The following KCNIP1 variants were observed in gnomAD, a reference collection of about 807,000 sequenced individuals.
The protein encoded by KCNIP1 is A-type potassium channel modulatory protein KCNIP1.
Under a neutral mutation model 33.0 loss-of-function variants are expected in KCNIP1, and 18 were observed. That is an observed-to-expected ratio of 0.55 (90% confidence interval 0.38 to 0.81). The LOEUF (loss-of-function observed/expected upper bound fraction) is 0.81, where lower values mean the gene tolerates loss of function less well. Ranked by LOEUF, KCNIP1 falls within the 30% of genes least tolerant of loss-of-function variation. The probability of loss-of-function intolerance (pLI) is 0.00; values close to 1 mark genes in which losing one functional copy is unlikely to be tolerated. For synonymous variants in KCNIP1, 93 were observed against 98.3 expected, an observed-to-expected ratio of 0.95 and a Z score of 0.32; for missense variants, 238 against 271.6, an observed-to-expected ratio of 0.88 and a Z score of 0.87.
chr5:170,508,003 GGTAA>G (rs781436941), intron 1 of KCNIP1, among the ~76,000 whole-genome samples: 1 of 152,194 alleles, frequency 6.6e-6, no homozygotes, highest in South Asian at 2.1e-4. Flanking sequence ...GCCTTGAATG[GGTAA>G]GTGAGACAGG....
chr5:170,433,069 C>T (rs11948736), intron 1 of KCNIP1, among the ~76,000 whole-genome samples: 4,698 of 152,022 alleles, frequency 0.031, 200 homozygotes, highest in African/African-American at 0.096. Context: ...TCAATCCAGA[C>T]ACACAATTTG....
At chr5:170,551,078 T>C (rs1176862791) in intron 1 of KCNIP1, among the ~76,000 whole-genome samples, 2 of 152,224 alleles carry the variant, frequency 1.3e-5, no homozygotes, top group East Asian at 3.8e-4. Flanking sequence ...GCGCACTCAC[T>C]CACTCCGTGC....
intron 1 of KCNIP1, among the ~76,000 whole-genome samples, chr5:170,569,175 C>T (rs1036277863): frequency 2.0e-5 from 3 of 152,214 alleles, no homozygotes; most frequent in Non-Finnish European, 2.9e-5. Context: ...ACCTCTTTAG[C>T]AGTAACCTGG....
At chr5:170,609,111 C>T (rs1759045364) in intron 1 of KCNIP1, among the ~76,000 whole-genome samples, 1 of 152,122 alleles carries the variant, frequency 6.6e-6, no homozygotes, top group South Asian at 2.1e-4. Context: ...AATTCTCCTG[C>T]AGAATGTACA....
In KCNIP1 at chr5:170,575,886, A is replaced by G. The variant is rs561079834; in HGVS notation, c.61+71253A>G. ...GAAAACTTTTTTTTCGTTTTACTGAAAAGTTTAACCCAGGCACTGAAGAGT... is the reference window on the plus strand; with the variant it reads ...GAAAACTTTTTTTTCGTTTTACTGAGAAGTTTAACCCAGGCACTGAAGAGT... On this transcript the variant is annotated intron_variant, in intron 1 of 7. Coordinates refer to ENST00000328939, the MANE Select transcript of KCNIP1 (RefSeq NM_014592.4). Among the ~76,000 whole-genome samples the G allele has an allele frequency of 1.1e-3, 162 of 152,220 alleles. 1 individual carries two copies. The highest frequency in any genetic ancestry group is 1.8e-3 in the Non-Finnish European group (121 of 68,048).
intron 1 of KCNIP1, chr5:170,379,075 C>G (rs542326594): frequency 2.1e-6 from 3 of 1,407,726 alleles, no homozygotes; most frequent in East Asian, 2.3e-5. Flanking sequence ...TAGTCGGGCC[C>G]CTGGATTGGA....
In KCNIP1 at chr5:170,360,978, G is replaced by T. The variant is rs557211184; in HGVS notation, c.88+7014G>T. Among the ~76,000 whole-genome samples, 606 of 152,338 alleles carry T rather than the reference G, an allele frequency of 4.0e-3. 4 individuals carry two copies. Among genetic ancestry groups the T allele is most frequent in the African/African-American group, 0.014 (577 of 41,578 alleles). On this transcript the variant is annotated intron_variant, in intron 1 of 7. Coordinates refer to the KCNIP1 transcript ENST00000377360. Reference sequence around the variant, plus strand: ...CTATCTCCCTTGTCTGAATTCCTGTGCTGGAGTTTGACAGCAGTGACCAGC... The same window carrying T: ...CTATCTCCCTTGTCTGAATTCCTGTTCTGGAGTTTGACAGCAGTGACCAGC...
At chr5:170,503,939 CCACCGTGCAGCCCTCG>C, upstream of KCNIP1, 2 of 560,202 alleles carry the variant, frequency 3.6e-6, no homozygotes, top group Non-Finnish European at 4.5e-6. Flanking sequence ...TCCCCCGCCC[CCACCGTGCAGCCCTCG>C]CCCCCGCCCC....
intron 1 of KCNIP1, among the ~76,000 whole-genome samples, chr5:170,432,331 C>T (rs1475393548): frequency 6.6e-6 from 1 of 152,196 alleles, no homozygotes; most frequent in African/African-American, 2.4e-5. Context: ...ATTTAAACAG[C>T]AAAACTGCTT....
chr5:170,718,940 TC>T, intron 2 of KCNIP1, 58 bp downstream of exon 2: 1 of 1,571,196 alleles, frequency 6.4e-7, no homozygotes, highest in East Asian at 2.3e-5. Flanking sequence ...GGCTACACTC[TC>T]CCCAATGCCA....
chr5:170,417,801 C>T (rs1296733720), intron 1 of KCNIP1, among the ~76,000 whole-genome samples: 1 of 152,192 alleles, frequency 6.6e-6, no homozygotes, highest in Non-Finnish European at 1.5e-5. Flanking sequence ...AATACATTTA[C>T]CTGATTTGCT....
chr5:170,570,670 G>GC (rs1324647259), intron 1 of KCNIP1, among the ~76,000 whole-genome samples: 1 of 152,228 alleles, frequency 6.6e-6, no homozygotes, highest in Admixed American at 6.5e-5. Context: ...TATGACTGTG[G>GC]CCCCGTGCCA....
chr5:170,574,019 A>G lies in KCNIP1; in HGVS notation c.61+69386A>G, dbSNP rs373579840. On this transcript the variant is annotated intron_variant, in intron 1 of 7. Coordinates refer to ENST00000328939, the MANE Select transcript of KCNIP1 (RefSeq NM_014592.4). ...AGAAAAACTCCTTGCAGAGGGACCC[A>G]AGTGGGACCCCCGATACCCAGAATG... Among the ~76,000 whole-genome samples the G allele has an allele frequency of 2.6e-5, 4 of 152,356 alleles. No individual in the cohort carries two copies. In the East Asian group the frequency reaches 7.7e-4, roughly 29 times the overall value.
At chr5:170,627,056 G>A (rs540049448) in intron 1 of KCNIP1, among the ~76,000 whole-genome samples, 5 of 152,252 alleles carry the variant, frequency 3.3e-5, no homozygotes, top group Admixed American at 1.3e-4. Context: ...GCCAGCATCC[G>A]TGTCTTTCCT....
intron 5 of KCNIP1, among the ~76,000 whole-genome samples, chr5:170,726,050 C>T (rs2113883558): frequency 6.6e-6 from 1 of 152,154 alleles, no homozygotes; most frequent in Admixed American, 6.5e-5. Context: ...GAGAAACATT[C>T]TTACAACTTT....
chr5:170,578,877 G>A (rs187944255), intron 1 of KCNIP1, among the ~76,000 whole-genome samples: 22 of 152,242 alleles, frequency 1.4e-4, no homozygotes, highest in African/African-American at 4.8e-4. Flanking sequence ...AAGAGAGATT[G>A]GGAGCGTAAG....
intron 1 of KCNIP1, among the ~76,000 whole-genome samples, chr5:170,530,221 C>T (rs1755736717): frequency 6.6e-6 from 1 of 152,112 alleles, no homozygotes; most frequent in South Asian, 2.1e-4. Context: ...CAGATAAAAT[C>T]AAAACATGGA....
intron 1 of KCNIP1, among the ~76,000 whole-genome samples, chr5:170,466,741 C>A (rs994463559): frequency 3.9e-5 from 6 of 152,144 alleles, no homozygotes; most frequent in African/African-American, 1.2e-4. Flanking sequence ...AAGCTCTCTG[C>A]GACTTCATTT....
chr5:170,472,801 T>C (rs963647487), intron 1 of KCNIP1, among the ~76,000 whole-genome samples: 1 of 152,220 alleles, frequency 6.6e-6, no homozygotes. Context: ...TGTATCTACA[T>C]ATACCACAGT....
Sources: gnomAD v4.1 joint callset for allele counts (sites outside exome capture counted in the v4.1 genomes callset) on GRCh38, gnomAD v4.1.1 for gene constraint, MANE v1.5 for transcripts, NCBI Gene and HGNC (gene_info 2026-07-23, HGNC 2026-07-21) for gene names.